Variants in IQCM observed in about 807,000 individuals in gnomAD.
IQCM encodes the protein IQ domain-containing protein M.
In IQCM, 45 loss-of-function variants were observed where a neutral mutation model predicts 57.6. The ratio of observed to expected loss-of-function variants is 0.78; its 90% CI spans 0.62 to 1.00. The LOEUF (loss-of-function observed/expected upper bound fraction) is 1.00. Ranked by LOEUF, IQCM falls within the 50% of genes least tolerant of loss-of-function variation. IQCM has a pLI of 0.00. For synonymous variants in IQCM, 148 were observed against 158.9 expected (o/e 0.93, Z 0.51); for missense variants, 468 against 511.6 (o/e 0.91, Z 0.82).
chr4:149,445,418 A>G (rs561485839), intron 12 of IQCM, among the ~76,000 whole-genome samples: 1 of 151,978 alleles, frequency 6.6e-6, no homozygotes, highest in African/African-American at 2.4e-5. Context: ...TTTAGTTTGT[A>G]CACACTTGAT....
At chr4:149,745,855 G>C (rs899541008) in intron 2 of IQCM, among the ~76,000 whole-genome samples, 3 of 151,984 alleles carry the variant, frequency 2.0e-5, no homozygotes, top group Admixed American at 2.0e-4. Context: ...TATAGTCCCA[G>C]CTACTCTACT....
At chr4:149,722,493 T>G (rs1024586343) in intron 5 of IQCM, among the ~76,000 whole-genome samples, 3 of 152,076 alleles carry the variant, frequency 2.0e-5, no homozygotes, top group Admixed American at 1.3e-4. Context: ...TCCAGTTTCA[T>G]TCTTCTACAT....
chr4:149,532,987 A>T lies in IQCM; in HGVS notation c.1228+15468T>A, dbSNP rs1746905517. 3.9e-5 allele frequency among the ~76,000 whole-genome samples: 6 copies of T among 152,152 alleles called. No individual in the cohort carries two copies. The South Asian group carries it at 1.2e-3, about 31-fold the overall frequency. ...GGCTATTTTAGAGAGAAAAGTCAGG[A>T]AGGGGCTTTATGAGTAACTGATATT... On this transcript the variant is annotated intron_variant, in intron 12 of 13. Transcript: ENST00000636793.
intron 13 of IQCM, among the ~76,000 whole-genome samples, chr4:149,404,451 C>A (rs1371745099): frequency 8.6e-5 from 13 of 151,842 alleles, no homozygotes; most frequent in Admixed American, 7.9e-4. Context: ...ACAAGAGTAC[C>A]CTGAGAGTTC....
chr4:149,452,527 C>A (rs1420994629), intron 12 of IQCM, among the ~76,000 whole-genome samples: 1 of 150,698 alleles, frequency 6.6e-6, no homozygotes, highest in East Asian at 1.9e-4. Context: ...AGAAATAGAC[C>A]CAGATATATA....
intron 2 of IQCM, among the ~76,000 whole-genome samples, chr4:149,756,986 T>C (rs1413215733): frequency 2.0e-5 from 3 of 152,334 alleles, no homozygotes; most frequent in East Asian, 1.9e-4. Context: ...TGGCCGGGTG[T>C]GGTGGCTCAC....
chr4:149,486,017 G>GTCTCTCTCTCTCTCTCTCTCTCTC lies in IQCM; in HGVS notation c.1229-52484_1229-52461dup, dbSNP rs71596213. ...CCTTACTTTCTCCCAAGCAAACAGAGTCTCTCTCTCTCTCTCTCTCTCTCT... is the reference window on the plus strand; with the variant it reads ...CCTTACTTTCTCCCAAGCAAACAGAGTCTCTCTCTCTCTCTCTCTCTCTCTCTCTCTCTCTCTCTCTCTCTCTCT... On this transcript the variant is annotated intron_variant, in intron 12 of 13. Transcript: ENST00000636793. Among the ~76,000 whole-genome samples, 75 of 121,690 alleles carry GTCTCTCTCTCTCTCTCTCTCTCTC rather than the reference G, an allele frequency of 6.2e-4. 2 individuals are homozygous for GTCTCTCTCTCTCTCTCTCTCTCTC. The highest frequency in any genetic ancestry group is 1.0e-3 in the East Asian group (4 of 3,976). The allele number at this position is 121,690 out of a possible 152,430, so 79.8% of individuals were successfully genotyped here. A position where few individuals can be genotyped will look rare whatever the true frequency, so the allele number is the denominator to read the frequency against.
intron 12 of IQCM, among the ~76,000 whole-genome samples, chr4:149,468,496 AG>A (rs1260396391): frequency 2.0e-5 from 3 of 152,180 alleles, no homozygotes; most frequent in Non-Finnish European, 2.9e-5. Flanking sequence ...AACTGGGTGG[AG>A]CCAACCACAG....
intron 5 of IQCM, among the ~76,000 whole-genome samples, chr4:149,705,739 G>C (rs944919343): frequency 1.3e-5 from 2 of 151,834 alleles, no homozygotes; most frequent in African/African-American, 4.8e-5. Context: ...ATGAAAGAAG[G>C]TTTTAAAAAT....
intron 13 of IQCM, among the ~76,000 whole-genome samples, chr4:149,380,506 T>G (rs551211702): frequency 1.8e-4 from 27 of 152,302 alleles, no homozygotes; most frequent in Middle Eastern, 3.4e-3. Flanking sequence ...ATACTGGTGC[T>G]TCTAATCTCT....
At chr4:149,760,399 A>G (rs1201927187) in intron 2 of IQCM, among the ~76,000 whole-genome samples, 1 of 152,146 alleles carries the variant, frequency 6.6e-6, no homozygotes, top group Non-Finnish European at 1.5e-5. Flanking sequence ...AGAACTATTT[A>G]TACAAGATGA....
At chr4:149,699,512 C>G (rs750689013) in intron 5 of IQCM, among the ~76,000 whole-genome samples, 2 of 151,786 alleles carry the variant, frequency 1.3e-5, no homozygotes, top group Non-Finnish European at 2.9e-5. Context: ...TTACTGGGCT[C>G]TAGTCCATCT....
intron 2 of IQCM, among the ~76,000 whole-genome samples, chr4:149,755,815 C>T (rs1768906668): frequency 6.6e-6 from 1 of 152,082 alleles, no homozygotes; most frequent in South Asian, 2.1e-4. Flanking sequence ...GTTCTGGCCA[C>T]AAGAAAAAAT....
At chr4:149,600,589 G>T (rs1303743436) in intron 8 of IQCM, among the ~76,000 whole-genome samples, 2 of 152,068 alleles carry the variant, frequency 1.3e-5, no homozygotes, top group East Asian at 3.9e-4. Flanking sequence ...ATTTTCTAGG[G>T]AGTCTCTGGG....
At chr4:149,352,421 G>A (rs1403131230) in intron 13 of IQCM, among the ~76,000 whole-genome samples, 1 of 152,152 alleles carries the variant, frequency 6.6e-6, no homozygotes, top group African/African-American at 2.4e-5. Flanking sequence ...GTTCTGAAAG[G>A]TAAAACTTGA....
intron 12 of IQCM, among the ~76,000 whole-genome samples, chr4:149,473,810 T>C (rs1263988486): frequency 3.3e-5 from 5 of 152,110 alleles, no homozygotes; most frequent in Non-Finnish European, 5.9e-5. Flanking sequence ...AAATGATGAG[T>C]TCATGTCCTT....
intron 12 of IQCM, among the ~76,000 whole-genome samples, chr4:149,500,869 A>T (rs1357480858): frequency 2.0e-5 from 3 of 152,164 alleles, no homozygotes; most frequent in Non-Finnish European, 4.4e-5. Context: ...AAATCACATG[A>T]TATTTTAGGA....
chr4:149,799,692 A>T (rs1052351248), intron 2 of IQCM, among the ~76,000 whole-genome samples: 1 of 151,804 alleles, frequency 6.6e-6, no homozygotes, highest in African/African-American at 2.4e-5. Flanking sequence ...AGTGGCTACT[A>T]TGAGCAACTA....
intron 12 of IQCM, among the ~76,000 whole-genome samples, chr4:149,473,776 C>T (rs1469013076): frequency 6.6e-6 from 1 of 151,988 alleles, no homozygotes; most frequent in Non-Finnish European, 1.5e-5. Flanking sequence ...ATATATACAC[C>T]ATGGAATACT....
Sources: gnomAD v4.1 joint callset for allele counts (sites outside exome capture counted in the v4.1 genomes callset) on GRCh38, gnomAD v4.1.1 for gene constraint, MANE v1.5 for transcripts, NCBI Gene and HGNC (gene_info 2026-07-23, HGNC 2026-07-21) for gene names.